ADRA1A: variants seen among roughly 807,000 people sequenced by gnomAD.
The protein encoded by ADRA1A is alpha-1A adrenergic receptor.
A neutral mutation model predicts 29.6 loss-of-function variants in ADRA1A; 31 were observed. That is an observed-to-expected ratio of 1.05 (90% CI 0.79 to 1.41). The LOEUF (loss-of-function observed/expected upper bound fraction) is 1.41, where lower values mean the gene tolerates loss of function less well. ADRA1A is among the 40% of genes most tolerant of loss of function. The pLI is 0.00. For synonymous variants in ADRA1A, 311 were observed against 254.3 expected, an observed-to-expected ratio of 1.22 and a Z score of -2.12; for missense variants, 619 against 601.1, an observed-to-expected ratio of 1.03 and a Z score of -0.31.
At chr8:26,840,796 TTTGTCC>T (rs1261970746) in intron 2 of ADRA1A, among the ~76,000 whole-genome samples, 4 of 152,220 alleles carry the variant, frequency 2.6e-5, no homozygotes, top group African/African-American at 7.2e-5. Flanking sequence ...GCTAAGCATT[TTTGTCC>T]CCTATGGAGG....
In ADRA1A at chr8:26,782,860, G is replaced by A. The variant is rs1807095252; in HGVS notation, c.884-12194C>T. Among the ~76,000 whole-genome samples, 3 of 152,118 alleles carry A rather than the reference G, an allele frequency of 2.0e-5. No individual in the cohort carries two copies. The South Asian group carries it at 6.2e-4, about 32-fold the overall frequency. Reference sequence around the variant, plus strand: ...ACCATCTCTCACAAAACCGACTCTTGCTTCTCTGCTTCACTTTGGGCAGCC... The same window carrying A: ...ACCATCTCTCACAAAACCGACTCTTACTTCTCTGCTTCACTTTGGGCAGCC... On this transcript the variant is annotated intron_variant, in intron 2 of 2. Transcript: ENST00000380573.
In ADRA1A at chr8:26,864,387, G is replaced by T; in HGVS notation, c.583C>A (p.Leu195Met). The T allele has an allele frequency of 6.2e-7, 1 of 1,613,810 alleles. No homozygotes were observed. The highest frequency in any genetic ancestry group is 8.5e-7 in the Non-Finnish European group (1 of 1,180,012). ...VLFSALGSFYLPLAIILVMYC... is the reference protein window; with the variant it reads ...VLFSALGSFYMPLAIILVMYC... ...ATGACCAGGATGATGGCCAGAGGCA[G>T]GTAGAAGGAGCCCAGCGCTGAGAAG... The change falls in exon 2 of 3, where the codon CTG (leucine) becomes ATG (methionine). Residue 195 changes from leucine (L) to methionine (M), a missense_variant. Coordinates refer to ENST00000380573, the MANE Select transcript of ADRA1A (RefSeq NM_000680.4). This position sits in a 1 kb window ranked among gnomAD's most constrained non-coding sequence, Gnocchi z 8.1.
At chr8:26,794,055 A>C (rs575418940) in intron 2 of ADRA1A, among the ~76,000 whole-genome samples, 1 of 152,204 alleles carries the variant, frequency 6.6e-6, no homozygotes, top group African/African-American at 2.4e-5. Flanking sequence ...AATACAATGA[A>C]AGTTGTCGAT....
intron 2 of ADRA1A, among the ~76,000 whole-genome samples, chr8:26,817,190 A>C (rs936909638): frequency 3.3e-5 from 5 of 152,224 alleles, no homozygotes; most frequent in Admixed American, 2.6e-4. Flanking sequence ...AAGTAATAAG[A>C]AAACAGACAA....
downstream of ADRA1A, among the ~76,000 whole-genome samples, chr8:26,754,890 A>T (rs1163883809): frequency 6.6e-6 from 1 of 152,146 alleles, no homozygotes; most frequent in African/African-American, 2.4e-5. Context: ...CATACGCTTC[A>T]ATGTAGCGTG....
rs554491842 is a variant in ADRA1A at position 26,805,261 on chromosome 8, GCC to G, written c.884-34597_884-34596del. Among the ~76,000 whole-genome samples, 5 of 152,282 alleles carry G rather than the reference GCC, an allele frequency of 3.3e-5. No homozygotes were observed. The South Asian group carries it at 1.0e-3, about 32-fold the overall frequency. On this transcript the variant is annotated intron_variant, in intron 2 of 2. Transcript: ENST00000380573. This position sits in a 1 kb window ranked among gnomAD's most constrained non-coding sequence, Gnocchi z 4.8. ...TGTCCACTCTCAATTTACACCTATT[GCC>G]TCAGTATGGTTATTAATTGTGCTTT...
At chr8:26,827,690 A>T (rs1333343923) in intron 2 of ADRA1A, among the ~76,000 whole-genome samples, 2 of 151,894 alleles carry the variant, frequency 1.3e-5, no homozygotes, top group Non-Finnish European at 2.9e-5. Context: ...AGGAATGCCC[A>T]GTCTTGGGCT....
rs61760548 is a variant in ADRA1A at position 26,781,964 on chromosome 8, T to C, written c.884-11298A>G. ...ACAGGTGAACAGGGGAGCAGGAAAA[T>C]GGGTTTTTGCTTCCGGACTGCTGCA... On this transcript the variant is annotated intron_variant, in intron 2 of 2. Coordinates refer to ENST00000380573, the MANE Select transcript of ADRA1A (RefSeq NM_000680.4). 7.4e-4 allele frequency among the ~76,000 whole-genome samples: 112 copies of C among 152,286 alleles called. 2 individuals carry two copies. The East Asian group carries it at 0.019, about 26-fold the overall frequency.
chr8:26,783,191 T>C (rs1474870656), intron 2 of ADRA1A, among the ~76,000 whole-genome samples: 3 of 152,176 alleles, frequency 2.0e-5, no homozygotes, highest in Admixed American at 6.5e-5. Flanking sequence ...CTTTACTGAA[T>C]TAAAGATGAA....
At position 26,756,470 on chromosome 8, in the gene ADRA1A, C is replaced by G. The variant is rs1805173315; in HGVS notation, c.*289G>C. On this transcript the variant is annotated 3_prime_UTR_variant, in exon 3 of 3. Coordinates refer to the ADRA1A transcript ENST00000380582. The stretch of plus-strand genomic sequence containing the variant: ...AATGGGGGAGGGAGGTTGTATGAAA[C>G]TGATTTACAAAAAATCGAGCTATTT... 2.0e-6 allele frequency: 3 copies of G among 1,476,204 alleles called. No individual in the cohort carries two copies. In the East Asian group the frequency reaches 7.9e-5, roughly 39 times the overall value. The allele number at this position is 1,476,204 out of a possible 1,614,324, so 91.4% of individuals were successfully genotyped here.
intron 2 of ADRA1A, among the ~76,000 whole-genome samples, chr8:26,833,540 A>G (rs1175296693): frequency 1.3e-5 from 2 of 152,248 alleles, no homozygotes; most frequent in African/African-American, 4.8e-5. Context: ...GACCCAGCAC[A>G]AACTAAGAAG....
chr8:26,811,922 A>C (rs1313438652), intron 2 of ADRA1A, among the ~76,000 whole-genome samples: 4 of 152,212 alleles, frequency 2.6e-5, no homozygotes, highest in African/African-American at 9.6e-5. Flanking sequence ...GTTCCTTTTT[A>C]TTTATAGTAG....
At chr8:26,834,378 A>G (rs1235998075) in intron 2 of ADRA1A, among the ~76,000 whole-genome samples, 1 of 152,248 alleles carries the variant, frequency 6.6e-6, no homozygotes. Flanking sequence ...ACCTGGAAGA[A>G]TAATTATAGG....
At position 26,787,912 on chromosome 8, in the gene ADRA1A, T is replaced by A. The variant is rs1322518739; in HGVS notation, c.884-17246A>T. On this transcript the variant is annotated intron_variant, in intron 2 of 2. Transcript: ENST00000380573. The surrounding 1 kb of genome is among the most constrained non-coding windows in gnomAD (Gnocchi z 4.2). ...CAGTCATTAGTGCTATCTTGTCTAT[T>A]TTTTTTTTTTTAACATTTGGGGATA... Among the ~76,000 whole-genome samples the A allele has an allele frequency of 3.0e-5, 1 of 32,916 alleles. No homozygotes were observed. Among genetic ancestry groups the A allele is most frequent in the African/African-American group, 1.9e-4 (1 of 5,376 alleles). The allele number at this position is 32,916 out of a possible 152,430, so 21.6% of individuals were successfully genotyped here. A position where few individuals can be genotyped will look rare whatever the true frequency, so the allele number is the denominator to read the frequency against.
At chr8:26,812,219 C>T (rs1809444304) in intron 2 of ADRA1A, among the ~76,000 whole-genome samples, 2 of 152,280 alleles carry the variant, frequency 1.3e-5, no homozygotes, top group Non-Finnish European at 2.9e-5. Context: ...ATTCTCATGC[C>T]TGCTTCTTCC....
At chr8:26,778,082 C>G (rs2130332689) in intron 2 of ADRA1A, among the ~76,000 whole-genome samples, 1 of 152,286 alleles carries the variant, frequency 6.6e-6, no homozygotes, top group Non-Finnish European at 1.5e-5. Context: ...GGAATTTCAT[C>G]CTGGATGAGT....
At chr8:26,773,900 T>TC (rs1475916704) in intron 2 of ADRA1A, among the ~76,000 whole-genome samples, 2 of 152,262 alleles carry the variant, frequency 1.3e-5, no homozygotes, top group African/African-American at 4.8e-5. Context: ...AATCCTGGCC[T>TC]CCCCCTCTCT....
chr8:26,752,501 G>A (rs62492165), downstream of ADRA1A, among the ~76,000 whole-genome samples: 11,145 of 152,190 alleles, frequency 0.073, 414 homozygotes, highest in Middle Eastern at 0.11. Context: ...TACAGCTGCC[G>A]GCATTTACCT....
chr8:26,770,365 A>T lies in ADRA1A; in HGVS notation c.1185T>A (p.Cys395Ter), dbSNP rs61760514. The change falls in exon 3 of 3, where the codon TGT becomes TGA. Residue 395 changes from cysteine to a stop codon, truncating the protein, a stop_gained. Coordinates refer to ENST00000380573, the MANE Select transcript of ADRA1A (RefSeq NM_000680.4). LOFTEE classifies it high-confidence loss of function. ...FYRISKTDGV[C>*]EWKFFSSMPR... is the part of the protein sequence containing the mutation. Reference sequence around the variant, plus strand: ...GCATGGAAGAGAAAAATTTCCATTCACAAACGCCATCCGTCTTGGAGATCC... The same window carrying T: ...GCATGGAAGAGAAAAATTTCCATTCTCAAACGCCATCCGTCTTGGAGATCC... 4 of 1,614,186 alleles carry T rather than the reference A, an allele frequency of 2.5e-6. No homozygotes were observed. Among genetic ancestry groups the T allele is most frequent in the Non-Finnish European group, 3.4e-6 (4 of 1,180,028 alleles).
Sources: allele counts gnomAD v4.1 joint callset (sites outside exome capture counted in the v4.1 genomes callset), GRCh38; gene constraint gnomAD v4.1.1; non-coding constraint Gnocchi (gnomAD v3.1); transcripts MANE v1.5; gene names NCBI Gene and HGNC (gene_info 2026-07-23, HGNC 2026-07-21).